CFAP299: variants seen among roughly 807,000 people sequenced by gnomAD.
The protein encoded by CFAP299 is cilia and flagella associated protein 299.
A neutral mutation model predicts 27.0 loss-of-function variants in CFAP299; 21 were observed. That is an observed-to-expected ratio of 0.78 (90% CI 0.55 to 1.12). The LOEUF (loss-of-function observed/expected upper bound fraction) is 1.12. CFAP299 is among the 50% of genes most tolerant of loss of function. CFAP299 has a pLI of 0.00. For synonymous variants in CFAP299, 104 were observed against 98.1 expected (o/e 1.06, Z -0.36); for missense variants, 310 against 276.6 (o/e 1.12, Z -0.86).
At chr4:80,730,921 C>G (rs963199340) in intron 3 of CFAP299, among the ~76,000 whole-genome samples, 3 of 152,194 alleles carry the variant, frequency 2.0e-5, no homozygotes, top group African/African-American at 2.4e-5. Context: ...TTTGCACATG[C>G]CTTTATTCTT....
chr4:80,628,054 T>C (rs1463930017), intron 3 of CFAP299, among the ~76,000 whole-genome samples: 1 of 152,016 alleles, frequency 6.6e-6, no homozygotes, highest in Non-Finnish European at 1.5e-5. Flanking sequence ...AGAAGAAAGC[T>C]AAAGACATTA....
chr4:80,328,010 G>A, the CFAP299 span, among the ~76,000 whole-genome samples: 2 of 151,778 alleles, frequency 1.3e-5, no homozygotes, highest in African/African-American at 4.8e-5. Context: ...CCACTGAAAG[G>A]TCAAGTACAT....
intron 3 of CFAP299, among the ~76,000 whole-genome samples, chr4:80,767,784 C>A (rs1263059687): frequency 6.6e-6 from 1 of 152,118 alleles, no homozygotes; most frequent in Non-Finnish European, 1.5e-5. Flanking sequence ...TAACTTTCAT[C>A]ACCTTACTTA....
chr4:80,654,875 C>A (rs1190623601), intron 3 of CFAP299, among the ~76,000 whole-genome samples: 1 of 151,526 alleles, frequency 6.6e-6, no homozygotes, highest in Non-Finnish European at 1.5e-5. Flanking sequence ...CTTGGCCACC[C>A]AAAGTGCTGG....
intron 3 of CFAP299, among the ~76,000 whole-genome samples, chr4:80,799,821 TA>T (rs1728250858): frequency 4.4e-5 from 1 of 22,544 alleles, no homozygotes; most frequent in Non-Finnish European, 5.7e-5. Flanking sequence ...ATATATATAT[TA>T]TATATATTTA....
intron 2 of CFAP299, among the ~76,000 whole-genome samples, chr4:80,481,599 T>C (rs890185184): frequency 3.3e-5 from 5 of 152,030 alleles, no homozygotes; most frequent in Admixed American, 1.3e-4. Context: ...ATTTTAAAAC[T>C]GGAAGGGAGC....
At chr4:80,865,797 T>C (rs1020295337) in intron 3 of CFAP299, among the ~76,000 whole-genome samples, 1 of 151,026 alleles carries the variant, frequency 6.6e-6, no homozygotes, top group African/African-American at 2.4e-5. Context: ...GAAACCATCA[T>C]TCTCAGCAAA....
chr4:80,505,964 T>G (rs1188106534), intron 2 of CFAP299, among the ~76,000 whole-genome samples: 1 of 151,490 alleles, frequency 6.6e-6, no homozygotes, highest in Non-Finnish European at 1.5e-5. Flanking sequence ...AGAGAGACTC[T>G]GTTTCTAATG....
intron 2 of CFAP299, among the ~76,000 whole-genome samples, chr4:80,571,201 GT>G (rs1277390093): frequency 6.6e-6 from 1 of 152,010 alleles, no homozygotes; most frequent in Non-Finnish European, 1.5e-5. Context: ...TCTATCTAAA[GT>G]ATTGTTTTTG....
chr4:80,363,416 T>G (rs1278751033), intron 2 of CFAP299, among the ~76,000 whole-genome samples: 1 of 152,216 alleles, frequency 6.6e-6, no homozygotes, highest in African/African-American at 2.4e-5. Context: ...TAAAGTGAAC[T>G]GCATCAAACT....
At chr4:80,772,341 G>A (rs140274320) in intron 3 of CFAP299, among the ~76,000 whole-genome samples, 104 of 152,208 alleles carry the variant, frequency 6.8e-4, no homozygotes, top group African/African-American at 2.4e-3. Context: ...TATGGGCTAC[G>A]AAGAAAAGGA....
chr4:80,721,696 T>G (rs1342947915), intron 3 of CFAP299, among the ~76,000 whole-genome samples: 1 of 151,926 alleles, frequency 6.6e-6, no homozygotes, highest in African/African-American at 2.4e-5. Flanking sequence ...AAATAGAAAA[T>G]TTTAAGAGAA....
intron 4 of CFAP299, among the ~76,000 whole-genome samples, chr4:80,894,249 T>G (rs1734498726): frequency 6.6e-6 from 1 of 151,914 alleles, no homozygotes; most frequent in African/African-American, 2.4e-5. Flanking sequence ...AAAGAGAATC[T>G]TTGTACATTA....
At chr4:80,957,906 A>C (rs1738147798) in intron 5 of CFAP299, among the ~76,000 whole-genome samples, 3 of 152,164 alleles carry the variant, frequency 2.0e-5, no homozygotes, top group Admixed American at 2.0e-4. Context: ...TTATATAGGT[A>C]TCTCAAAAGT....
At chr4:80,684,871 G>T (rs897221031) in intron 3 of CFAP299, among the ~76,000 whole-genome samples, 6 of 151,652 alleles carry the variant, frequency 4.0e-5, no homozygotes, top group Non-Finnish European at 7.4e-5. Flanking sequence ...ATCTCTGTTT[G>T]TTAAGCCCAG....
chr4:80,430,704 C>G (rs1029552466), intron 2 of CFAP299, among the ~76,000 whole-genome samples: 2 of 152,166 alleles, frequency 1.3e-5, no homozygotes, highest in African/African-American at 4.8e-5. Context: ...TCCTGAGCAT[C>G]CCTTCTAAAC....
Position 80,343,527 on chromosome 4 carries a change from C to T in CFAP299, c.111+7648C>T, listed in dbSNP as rs559674943. On this transcript the variant is annotated intron_variant, in intron 1 of 5. Transcript: ENST00000358105. The stretch of plus-strand genomic sequence containing the variant: ...CAAGACGGCTGGGCATGGTGGCTCA[C>T]GCCTGTAATCCCAGCACTTTGGGAG... Among the ~76,000 whole-genome samples, 502 of 152,296 alleles carry T rather than the reference C, an allele frequency of 3.3e-3. 4 individuals carry two copies. Among genetic ancestry groups the T allele is most frequent in the African/African-American group, 0.012 (483 of 41,574 alleles).
At chr4:80,605,000 A>T (rs1737580436) in intron 3 of CFAP299, among the ~76,000 whole-genome samples, 1 of 152,112 alleles carries the variant, frequency 6.6e-6, no homozygotes, top group African/African-American at 2.4e-5. Context: ...AAAAAGTAAC[A>T]GTTTATTTTA....
At chr4:80,780,696 A>G (rs1233391128) in intron 3 of CFAP299, among the ~76,000 whole-genome samples, 2 of 152,012 alleles carry the variant, frequency 1.3e-5, no homozygotes, top group East Asian at 3.9e-4. Context: ...GACTATTGCT[A>G]ATGACATGCA....
Sources: allele counts gnomAD v4.1 joint callset (sites outside exome capture counted in the v4.1 genomes callset), GRCh38; gene constraint gnomAD v4.1.1; transcripts MANE v1.5; gene names NCBI Gene and HGNC (gene_info 2026-07-23, HGNC 2026-07-21).